The following TXLNB variants were observed in gnomAD, a reference collection of about 807,000 sequenced individuals.
TXLNB encodes beta-taxilin.
Under a neutral mutation model 57.4 loss-of-function variants are expected in TXLNB, and 37 were observed. That is an observed-to-expected ratio of 0.64 (90% confidence interval 0.50 to 0.85). The LOEUF (loss-of-function observed/expected upper bound fraction) is 0.85, where lower values mean the gene tolerates loss of function less well. TXLNB is among the 40% of genes least tolerant of loss of function. TXLNB has a pLI of 0.00. For missense variants in TXLNB, 848 were observed against 825.6 expected (o/e 1.03, Z -0.33); for synonymous variants, 302 against 309.6 (o/e 0.98, Z 0.26).
chr6:139,258,413 T>A (rs554520051), intron 6 of TXLNB, among the ~76,000 whole-genome samples: 1 of 152,356 alleles, frequency 6.6e-6, no homozygotes, highest in African/African-American at 2.4e-5. Flanking sequence ...GTGGAATTTC[T>A]ATTCTCTTGG....
chr6:139,252,329 G>T (rs1776229161), intron 7 of TXLNB, among the ~76,000 whole-genome samples: 1 of 152,236 alleles, frequency 6.6e-6, no homozygotes, highest in Admixed American at 6.5e-5. Flanking sequence ...TTATGCAAAA[G>T]AATCTGTGAT....
intron 2 of TXLNB, chr6:139,287,245 T>G (rs993232434): frequency 1.3e-5 from 2 of 152,304 alleles, no homozygotes; most frequent in East Asian, 3.8e-4. Flanking sequence ...ATTCACTGTC[T>G]CACTGCTGCC....
rs1562288045 is a variant in TXLNB at position 139,282,257 on chromosome 6, T to C, written c.425-5336A>G. Among the ~76,000 whole-genome samples, 3 of 147,790 alleles carry C rather than the reference T, an allele frequency of 2.0e-5. No homozygotes were observed. The East Asian group carries it at 5.9e-4, about 29-fold the overall frequency. ...AAGCTAAAACAGATGAAACAGACTA[T>C]CTGGGAGAGTGACCGGACCGTTCAA... is the stretch of plus-strand genomic sequence containing the variant. On this transcript the variant is annotated intron_variant, in intron 2 of 9. Coordinates refer to ENST00000358430, the MANE Select transcript of TXLNB (RefSeq NM_153235.4).
upstream of TXLNB, among the ~76,000 whole-genome samples, chr6:139,294,275 G>A (rs2114660755): frequency 6.6e-6 from 1 of 152,106 alleles, no homozygotes; most frequent in East Asian, 1.9e-4. Context: ...TTGAGTTTCT[G>A]GTACTCTTCT....
At position 139,242,430 on chromosome 6, in the gene TXLNB, T is replaced by G. The variant is rs922907059; in HGVS notation, c.*96A>C. 6.3e-5 allele frequency: 66 copies of G among 1,048,464 alleles called. No homozygotes were observed. Among genetic ancestry groups the G allele is most frequent in the Non-Finnish European group, 8.4e-5 (65 of 773,272 alleles). 64.9% of individuals were successfully genotyped at this position (1,048,464 alleles called of 1,614,324 possible). A position where few individuals can be genotyped will look rare whatever the true frequency, so the allele number is the denominator to read the frequency against. On this transcript the variant is annotated 3_prime_UTR_variant, in exon 10 of 10. Transcript: ENST00000358430. Reference sequence around the variant, plus strand: ...TGTCTTGATCCTAAGTCTCTTCCATTTGACATCTCTAGCCCTTAATGCCTT... The same window carrying G: ...TGTCTTGATCCTAAGTCTCTTCCATGTGACATCTCTAGCCCTTAATGCCTT...
chr6:139,192,780 TA>T, the TXLNB span, among the ~76,000 whole-genome samples: 101 of 143,778 alleles, frequency 7.0e-4, no homozygotes, highest in Admixed American at 7.6e-4. Flanking sequence ...CCGTCTCTAC[TA>T]AAAAAAAAAA....
the TXLNB span, among the ~76,000 whole-genome samples, chr6:139,223,037 G>T: frequency 6.6e-6 from 1 of 152,180 alleles, no homozygotes; most frequent in Non-Finnish European, 1.5e-5. Context: ...CTCAACAACT[G>T]CAGGCGGAAC....
intron 7 of TXLNB, among the ~76,000 whole-genome samples, chr6:139,248,161 G>A (rs1050891927): frequency 6.6e-6 from 1 of 152,130 alleles, no homozygotes; most frequent in African/African-American, 2.4e-5. Context: ...GATCACCTGA[G>A]GTCAAGAGTT....
Position 139,243,247 on chromosome 6 carries a change from C to A in TXLNB, c.1334G>T (p.Arg445Leu). The A allele has an allele frequency of 6.2e-7, 1 of 1,613,968 alleles. No individual in the cohort carries two copies. Among genetic ancestry groups the A allele is most frequent in the South Asian group, 1.1e-5 (1 of 91,082 alleles). The stretch of plus-strand genomic sequence containing the variant: ...TTCGTTTCTCTCTTCTTGTAAAGCA[C>A]GGCAGAGGTTCTCTAGCCTCCCGAT... ...MKIGRLENLC[R>L]ALQEERNELH... The change falls in exon 10 of 10, where the codon CGT (arginine) becomes CTT (leucine). Residue 445 changes from arginine to leucine, a missense_variant. Arg to Leu is a moderately radical substitution (Grantham distance 102, BLOSUM62 -2). Transcript: ENST00000358430.
intron 7 of TXLNB, among the ~76,000 whole-genome samples, chr6:139,249,299 A>G (rs1341097985): frequency 6.6e-6 from 1 of 152,220 alleles, no homozygotes. Flanking sequence ...TTTGAATAAG[A>G]GAGGATTTAG....
Position 139,243,304 on chromosome 6 carries a change from C to G in TXLNB, c.1277G>C (p.Arg426Thr), listed in dbSNP as rs1291338766. 11 of 1,608,118 alleles carry G rather than the reference C, an allele frequency of 6.8e-6. No homozygotes were observed. Among genetic ancestry groups the G allele is most frequent in the Admixed American group, 1.7e-5 (1 of 59,782 alleles). The stretch of plus-strand genomic sequence containing the variant: ...CACAAAGCACTCATATTCTTTAGCT[C>G]TCAGTGCTTTCTGTGATGTGAAAAC... Reference protein sequence around the residue: ...LLDMIEEKALRAKEYECFVMK... With the variant: ...LLDMIEEKALTAKEYECFVMK... Residue 426 changes from arginine to threonine, a missense_variant, in exon 10 of 10, where the codon AGA becomes ACA. By Grantham distance (71) the Arg-to-Thr change is moderately conservative. Coordinates refer to ENST00000358430, the MANE Select transcript of TXLNB (RefSeq NM_153235.4).
rs1230025870 is a variant in TXLNB, at chr6:139,284,209, T to G, written c.424+4267A>C. 1.4e-5 allele frequency among the ~76,000 whole-genome samples: 2 copies of G among 145,662 alleles called. 1 individual carries two copies. The highest frequency in any genetic ancestry group is 4.0e-4 in the East Asian group (2 of 5,042). ...ATTTATCTTTGCGCACCTAGCACAG[T>G]GCATCATAAAGACTAGGCATTAATA... On this transcript the variant is annotated intron_variant, in intron 2 of 9. Transcript: ENST00000358430.
At chr6:139,215,165 G>T in the TXLNB span, among the ~76,000 whole-genome samples, 1 of 152,052 alleles carries the variant, frequency 6.6e-6, no homozygotes, top group African/African-American at 2.4e-5. Flanking sequence ...AGCCCGCATT[G>T]CCAAGTCAAT....
At chr6:139,168,747 T>C in the TXLNB span, among the ~76,000 whole-genome samples, 1 of 152,218 alleles carries the variant, frequency 6.6e-6, no homozygotes, top group Non-Finnish European at 1.5e-5. Context: ...CAGGAGCTTT[T>C]TGAGAAAGGG....
At position 139,242,615 on chromosome 6, in the gene TXLNB, G is replaced by A; in HGVS notation, c.1966C>T (p.Arg656Ter). Reference sequence around the variant, plus strand: ...ACTGGCAGCTCCTCTGCTGCTGCTCGTGGGGGCTGCCTACTGGGCTCGCAT... The same window carrying A: ...ACTGGCAGCTCCTCTGCTGCTGCTCATGGGGGCTGCCTACTGGGCTCGCAT... ...PACEPSRQPP[R>*]AAAEELPVGA... The change falls in exon 10 of 10, where the codon CGA becomes TGA. Residue 656 changes from arginine to a stop codon, truncating the protein, a stop_gained. Coordinates refer to ENST00000358430, the MANE Select transcript of TXLNB (RefSeq NM_153235.4). LOFTEE classifies it low-confidence loss of function (END_TRUNC). The A allele has an allele frequency of 2.5e-6, 4 of 1,593,972 alleles. No individual in the cohort carries two copies. The highest frequency in any genetic ancestry group is 1.7e-6 in the Non-Finnish European group (2 of 1,171,056).
chr6:139,321,486 T>A, the TXLNB span, among the ~76,000 whole-genome samples: 1 of 151,592 alleles, frequency 6.6e-6, no homozygotes, highest in East Asian at 1.9e-4. Flanking sequence ...GTTTATAAAA[T>A]ACCCAGTCTA....
At chr6:139,177,427 A>AGCT in the TXLNB span, 1 of 186,192 alleles carries the variant, frequency 5.4e-6, no homozygotes, top group Non-Finnish European at 1.1e-5. The surrounding 1 kb of genome is among the most constrained non-coding windows in gnomAD (Gnocchi z 4.9). Context: ...ATAAACTAAG[A>AGCT]GCTTGATAGG....
the TXLNB span, among the ~76,000 whole-genome samples, chr6:139,297,473 T>C: frequency 6.6e-6 from 1 of 152,204 alleles, no homozygotes; most frequent in Admixed American, 6.5e-5. Flanking sequence ...TAAGATCTTT[T>C]TCAAGTATAG....
the TXLNB span, among the ~76,000 whole-genome samples, chr6:139,201,140 C>T: frequency 4.6e-5 from 7 of 152,206 alleles, no homozygotes; most frequent in African/African-American, 1.4e-4. Context: ...CAACTTCTTG[C>T]CACCAAATTA....
Sources: allele counts gnomAD v4.1 joint callset (sites outside exome capture counted in the v4.1 genomes callset), GRCh38; gene constraint gnomAD v4.1.1; non-coding constraint Gnocchi (gnomAD v3.1); transcripts MANE v1.5; gene names NCBI Gene and HGNC (gene_info 2026-07-23, HGNC 2026-07-21).